Variants in DHX40 observed in about 807,000 individuals in gnomAD.
DHX40 encodes DEAH-box helicase 40.
Under a neutral mutation model 89.6 loss-of-function variants are expected in DHX40, and 28 were observed. That is an observed-to-expected ratio of 0.31 (90% confidence interval 0.23 to 0.43). The LOEUF (loss-of-function observed/expected upper bound fraction) is 0.43. Ranked by LOEUF, DHX40 falls within the 20% of genes least tolerant of loss-of-function variation. DHX40 has a pLI of 1.00. For missense variants in DHX40, 457 were observed against 844.0 expected (o/e 0.54, Z 5.68); for synonymous variants, 226 against 283.6 (o/e 0.80, Z 2.04).
At chr17:59,569,500 GA>G (rs1300531123) in intron 2 of DHX40, among the ~76,000 whole-genome samples, 1 of 150,312 alleles carries the variant, frequency 6.7e-6, no homozygotes, top group Non-Finnish European at 1.5e-5. Context: ...GACAAAGCCT[GA>G]ATTCTAATTT....
chr17:59,566,595 C>T, intron 1 of DHX40, 32 bp from the exon 2 acceptor site: 1 of 1,550,664 alleles, frequency 6.4e-7, no homozygotes, highest in Non-Finnish European at 8.6e-7. Context: ...CTTTACAAGT[C>T]TTTTAATTGA....
chr17:59,604,625 G>C (rs2030731663), intron 15 of DHX40: 1 of 154,022 alleles, frequency 6.5e-6, no homozygotes, highest in Admixed American at 6.4e-5. Context: ...ATAAGGGCAT[G>C]AATCGGAAAA....
intron 12 of DHX40, among the ~76,000 whole-genome samples, chr17:59,595,469 A>G (rs2029976394): frequency 6.6e-6 from 1 of 151,660 alleles, no homozygotes; most frequent in Non-Finnish European, 1.5e-5. Flanking sequence ...GCCTGGAAAT[A>G]CCAAAAAAAT....
In DHX40 at chr17:59,596,337, C is replaced by T. The variant is rs544055026; in HGVS notation, c.1583-2400C>T. ...ATCCCAGCACTCTGGGAGGCCAGGG[C>T]GGGCGGATCACCTGAGGTCAGGAGT... On this transcript the variant is annotated intron_variant, in intron 12 of 17. Transcript: ENST00000251241. Among the ~76,000 whole-genome samples the T allele has an allele frequency of 1.8e-4, 27 of 152,338 alleles. 1 individual carries two copies. Among genetic ancestry groups the T allele is most frequent in the African/African-American group, 2.4e-5 (1 of 41,572 alleles).
At chr17:59,569,698 A>T (rs548877530) in intron 2 of DHX40, among the ~76,000 whole-genome samples, 1,510 of 141,728 alleles carry the variant, frequency 0.011, 17 homozygotes, top group Non-Finnish European at 0.015. Flanking sequence ...AAAAGAAAAA[A>T]ATATATATAT....
intron 2 of DHX40, among the ~76,000 whole-genome samples, chr17:59,569,731 A>C (rs1156511560): frequency 6.9e-6 from 1 of 145,668 alleles, no homozygotes; most frequent in Admixed American, 6.9e-5. Flanking sequence ...ATATAGATAT[A>C]TATATAATTT....
chr17:59,574,118 G>T, intron 5 of DHX40, 70 bp from the exon 6 acceptor site: 1 of 557,476 alleles, frequency 1.8e-6, no homozygotes, highest in South Asian at 2.1e-5. Context: ...TTTCTGTGGG[G>T]CAAGGGAAGT....
intron 14 of DHX40, among the ~76,000 whole-genome samples, chr17:59,600,289 T>C (rs2030411343): frequency 6.6e-6 from 1 of 151,892 alleles, no homozygotes; most frequent in Admixed American, 6.6e-5. Context: ...CAGCAGGCCC[T>C]AGAAAAATAT....
At chr17:59,605,084 A>G in intron 15 of DHX40, 31 bp from the exon 16 acceptor site, 2 of 1,588,346 alleles carry the variant, frequency 1.3e-6, no homozygotes, top group Non-Finnish European at 1.7e-6. Flanking sequence ...TTACTGTTGT[A>G]GTCTTTATCA....
At chr17:59,600,501 G>C (rs369595763) in intron 14 of DHX40, among the ~76,000 whole-genome samples, 4 of 150,454 alleles carry the variant, frequency 2.7e-5, no homozygotes, top group African/African-American at 9.9e-5. Context: ...TACTCCTCAT[G>C]ATTATTAGTT....
intron 11 of DHX40, among the ~76,000 whole-genome samples, chr17:59,587,150 T>C (rs944854502): frequency 5.9e-4 from 88 of 147,954 alleles, no homozygotes; most frequent in African/African-American, 2.2e-3. Flanking sequence ...AGCAAGACCC[T>C]GTCTCCAAAA....
chr17:59,604,468 A>C (rs989116173), intron 15 of DHX40: 2 of 152,318 alleles, frequency 1.3e-5, no homozygotes, highest in Non-Finnish European at 2.9e-5. Context: ...ACAGATATGT[A>C]AGTGAATAAT....
chr17:59,590,496 C>T (rs1217165576), intron 12 of DHX40, among the ~76,000 whole-genome samples: 1 of 151,092 alleles, frequency 6.6e-6, no homozygotes, highest in Non-Finnish European at 1.5e-5. Context: ...GAGACAAGGT[C>T]TCACTGTGTT....
At chr17:59,594,808 A>G (rs1339170892) in intron 12 of DHX40, among the ~76,000 whole-genome samples, 3 of 151,760 alleles carry the variant, frequency 2.0e-5, no homozygotes, top group Admixed American at 2.0e-4. Flanking sequence ...GCTGCCTTGA[A>G]GGCTCTCGCA....
intron 4 of DHX40, 95 bp downstream of exon 4, chr17:59,573,330 A>G (rs2048836676): frequency 1.9e-6 from 2 of 1,041,068 alleles, no homozygotes; most frequent in East Asian, 2.8e-5. Flanking sequence ...TTACTTTTTA[A>G]TTTAATTTAA....
rs146692874 is a variant in DHX40 at position 59,573,841 on chromosome 17, C to T, written c.648C>T (p.Ala216=). ...VVVMSATMEL[A]KLSAFFGNCP... ...TAATGTCAGCAACTATGGAATTAGCCAAGCTCTCTGCATTCTTTGGAAATT... is the reference window on the plus strand; with the variant it reads ...TAATGTCAGCAACTATGGAATTAGCTAAGCTCTCTGCATTCTTTGGAAATT... Residue 216 remains alanine (A), a synonymous_variant, in exon 5 of 18, where the codon GCC becomes GCT. Coordinates refer to ENST00000251241, the MANE Select transcript of DHX40 (RefSeq NM_024612.5). The T allele has an allele frequency of 5.8e-5, 94 of 1,613,174 alleles. No individual in the cohort carries two copies. The African/African-American group carries it at 1.1e-3, about 19-fold the overall frequency.
At chr17:59,606,927 T>G in intron 17 of DHX40, 106 bp from the exon 18 acceptor site, 1 of 1,114,636 alleles carries the variant, frequency 9.0e-7, no homozygotes, top group Non-Finnish European at 1.3e-6. Context: ...CTCTTTATTG[T>G]TTTTACTTTG....
intron 1 of DHX40, 128 bp from the exon 2 acceptor site, chr17:59,566,499 A>T: frequency 1.1e-6 from 1 of 896,224 alleles, no homozygotes; most frequent in Non-Finnish European, 1.6e-6. Context: ...TGAGCGATTT[A>T]ACTGAGAAGT....
intron 12 of DHX40, 100 bp downstream of exon 12, chr17:59,588,153 G>A (rs990243969): frequency 1.1e-5 from 17 of 1,517,074 alleles, no homozygotes; most frequent in East Asian, 2.3e-5. Flanking sequence ...GGGCAAGGCA[G>A]GTGGATTGCT....
Sources: allele counts gnomAD v4.1 joint callset (sites outside exome capture counted in the v4.1 genomes callset), GRCh38; gene constraint gnomAD v4.1.1; transcripts MANE v1.5; gene names NCBI Gene and HGNC (gene_info 2026-07-23, HGNC 2026-07-21).